Variants in TMTC1 observed in about 807,000 individuals in gnomAD.
TMTC1 encodes the protein transmembrane O-mannosyltransferase targeting cadherins 1.
A neutral mutation model predicts 104.8 loss-of-function variants in TMTC1; 73 were observed. The ratio of observed to expected loss-of-function variants is 0.70; its 90% CI spans 0.58 to 0.85. TMTC1 has a LOEUF of 0.85. Among genes scored for constraint, TMTC1 ranks in the 40% least tolerant of loss-of-function variants. The pLI, the probability that TMTC1 is intolerant of heterozygous loss-of-function variation, is 0.00. For synonymous variants in TMTC1, 434 were observed against 428.7 expected, an observed-to-expected ratio of 1.01 and a Z score of -0.15; for missense variants, 1,035 against 1,096.1, an observed-to-expected ratio of 0.94 and a Z score of 0.79.
chr12:29,672,288 C>A (rs1940548318), intron 5 of TMTC1, among the ~76,000 whole-genome samples: 1 of 152,198 alleles, frequency 6.6e-6, no homozygotes, highest in African/African-American at 2.4e-5. Context: ...TCCACAGCCC[C>A]CTGCCATGTT....
intron 5 of TMTC1, among the ~76,000 whole-genome samples, chr12:29,659,555 C>A (rs1178979055): frequency 6.6e-6 from 1 of 152,170 alleles, no homozygotes; most frequent in African/African-American, 2.4e-5. Context: ...TCTTAACTTT[C>A]CAGCCATCAG....
intron 6 of TMTC1, among the ~76,000 whole-genome samples, chr12:29,623,722 A>G (rs937262418): frequency 2.6e-5 from 4 of 152,270 alleles, no homozygotes; most frequent in African/African-American, 7.2e-5. Flanking sequence ...CTGAGACAGG[A>G]GAATCGCTTG....
At chr12:29,583,004 G>A (rs909065664) in intron 8 of TMTC1, among the ~76,000 whole-genome samples, 6 of 152,336 alleles carry the variant, frequency 3.9e-5, no homozygotes, top group Admixed American at 6.5e-5. Context: ...AGATCACAGC[G>A]TATCATGCTG....
At chr12:29,522,188 G>A (rs969350459) in intron 11 of TMTC1, among the ~76,000 whole-genome samples, 3 of 152,148 alleles carry the variant, frequency 2.0e-5, no homozygotes, top group Non-Finnish European at 4.4e-5. Flanking sequence ...TTCCTGAGAC[G>A]TGGCACCTTA....
chr12:29,700,111 T>G (rs377240290), intron 5 of TMTC1, among the ~76,000 whole-genome samples: 2 of 152,038 alleles, frequency 1.3e-5, no homozygotes, highest in Admixed American at 6.6e-5. Flanking sequence ...TACAGTGGTG[T>G]GATCACAGCT....
chr12:29,739,042 T>C (rs1942756499), intron 5 of TMTC1, among the ~76,000 whole-genome samples: 1 of 152,188 alleles, frequency 6.6e-6, no homozygotes, highest in African/African-American at 2.4e-5. Flanking sequence ...TATAACAATA[T>C]CAAATGCTTT....
At chr12:29,734,438 C>T (rs748476843) in intron 5 of TMTC1, among the ~76,000 whole-genome samples, 26 of 152,216 alleles carry the variant, frequency 1.7e-4, no homozygotes, top group Non-Finnish European at 3.4e-4. Flanking sequence ...CTTCTCCCTG[C>T]ATGTCCCACC....
chr12:29,624,695 C>T (rs932074195), intron 6 of TMTC1, among the ~76,000 whole-genome samples: 2 of 152,126 alleles, frequency 1.3e-5, no homozygotes, highest in Non-Finnish European at 2.9e-5. Flanking sequence ...ATCTGTGAGG[C>T]CAGCCCTGAC....
Position 29,751,717 on chromosome 12 carries a change from G to C in TMTC1, c.887C>G (p.Pro296Arg). Reference protein sequence around the residue: ...GGCHSPLPPEPKSSGFPVSPR... With the variant: ...GGCHSPLPPERKSSGFPVSPR... ...GGACACTGGGAATCCACTGCTCTTG[G>C]GTTCTGGTGGCAGTGGAGAGTGGCA... is the stretch of plus-strand genomic sequence containing the variant. The change falls in exon 5 of 18, where the codon CCC becomes CGC. Residue 296 changes from proline (P) to arginine (R), a missense_variant. Pro to Arg is a moderately radical substitution (Grantham distance 103). Transcript: ENST00000539277. The C allele has an allele frequency of 6.2e-7, 1 of 1,614,120 alleles. No individual in the cohort carries two copies. The highest frequency in any genetic ancestry group is 8.5e-7 in the Non-Finnish European group (1 of 1,180,022).
In TMTC1 at chr12:29,604,099, A is replaced by C. The variant is rs532932821; in HGVS notation, c.1250+79T>G. 3.4e-4 allele frequency: 545 copies of C among 1,583,924 alleles called. 2 individuals are homozygous for C. Among genetic ancestry groups the C allele is most frequent in the Non-Finnish European group, 4.4e-4 (511 of 1,156,986 alleles). ...CATGAGGATCTAATGGTCTACACAC[A>C]GAAGACTGTCTCTCTGGAACTATCA... On this transcript the variant is annotated intron_variant, in intron 7 of 17. Transcript: ENST00000539277.
intron 5 of TMTC1, among the ~76,000 whole-genome samples, chr12:29,693,841 C>T (rs1045992233): frequency 3.3e-5 from 5 of 151,988 alleles, no homozygotes; most frequent in Admixed American, 6.6e-5. Context: ...CTAAAATGCC[C>T]GGGCAGACTG....
chr12:29,572,866 A>G (rs1945718096), intron 8 of TMTC1, among the ~76,000 whole-genome samples: 1 of 152,244 alleles, frequency 6.6e-6, no homozygotes, highest in African/African-American at 2.4e-5. Flanking sequence ...TGAACAATAA[A>G]GAACCAGAGG....
chr12:29,702,277 A>T (rs1265750650), intron 5 of TMTC1, among the ~76,000 whole-genome samples: 1 of 152,174 alleles, frequency 6.6e-6, no homozygotes, highest in Non-Finnish European at 1.5e-5. Context: ...ATATCCAAAA[A>T]CAGGAATATA....
At chr12:29,700,687 A>G (rs1941563735) in intron 5 of TMTC1, among the ~76,000 whole-genome samples, 2 of 152,326 alleles carry the variant, frequency 1.3e-5, no homozygotes, top group East Asian at 3.9e-4. Flanking sequence ...AAAAGTGCTC[A>G]CTAAATTAAG....
intron 5 of TMTC1, among the ~76,000 whole-genome samples, chr12:29,647,753 C>T (rs1286580505): frequency 6.6e-6 from 1 of 152,178 alleles, no homozygotes; most frequent in Non-Finnish European, 1.5e-5. Context: ...GTTGTTTATC[C>T]AGGACCAAAT....
At chr12:29,556,288 CACTACTAATTCCG>C (rs2136258044) in intron 10 of TMTC1, among the ~76,000 whole-genome samples, 1 of 152,352 alleles carries the variant, frequency 6.6e-6, no homozygotes, top group East Asian at 1.9e-4. Flanking sequence ...CCAAAGTCAT[CACTACTAATTCCG>C]ACTACTAATT....
rs1353461817 is a variant in TMTC1 at position 29,504,385 on chromosome 12, A to G, written c.*2461T>C. 1 of 152,140 alleles carries G rather than the reference A, an allele frequency of 6.6e-6. No individual in the cohort carries two copies. The highest frequency in any genetic ancestry group is 2.4e-5 in the African/African-American group (1 of 41,414). The allele number at this position is 152,140 out of a possible 1,614,324, so 9.4% of individuals were successfully genotyped here. On this transcript the variant is annotated 3_prime_UTR_variant, in exon 18 of 18. Transcript: ENST00000539277. ...TTACAAAATACACTTAATATCATTGAAAAATAGTATGTGATCTATTTTCTT... is the reference window on the plus strand; with the variant it reads ...TTACAAAATACACTTAATATCATTGGAAAATAGTATGTGATCTATTTTCTT...
chr12:29,744,264 C>T (rs1377559477), intron 5 of TMTC1, among the ~76,000 whole-genome samples: 3 of 152,104 alleles, frequency 2.0e-5, no homozygotes, highest in African/African-American at 7.2e-5. Flanking sequence ...CAGAATGAAC[C>T]AGGGACTGTC....
At chr12:29,744,892 A>G (rs1942911893) in intron 5 of TMTC1, among the ~76,000 whole-genome samples, 1 of 152,294 alleles carries the variant, frequency 6.6e-6, no homozygotes, top group East Asian at 1.9e-4. Context: ...ACTAACTGAC[A>G]AAGTTTATTT....
Sources: gnomAD v4.1 joint callset for allele counts (sites outside exome capture counted in the v4.1 genomes callset) on GRCh38, gnomAD v4.1.1 for gene constraint, MANE v1.5 for transcripts, NCBI Gene and HGNC (gene_info 2026-07-23, HGNC 2026-07-21) for gene names.